Variants in ERBB4 observed in about 807,000 individuals in gnomAD.
ERBB4 encodes the protein erb-b2 receptor tyrosine kinase 4, also known as receptor tyrosine-protein kinase erbB-4.
Under a neutral mutation model 158.0 loss-of-function variants are expected in ERBB4, and 42 were observed. The ratio of observed to expected loss-of-function variants is 0.27; its 90% confidence interval spans 0.21 to 0.34. The LOEUF (loss-of-function observed/expected upper bound fraction) is 0.34, where lower values mean the gene tolerates loss of function less well. ERBB4 is among the 10% of genes least tolerant of loss of function. The probability of loss-of-function intolerance (pLI) is 1.00; values close to 1 mark genes in which losing one functional copy is unlikely to be tolerated. For synonymous variants in ERBB4, 583 were observed against 558.7 expected (o/e 1.04, Z -0.61); for missense variants, 1,333 against 1,624.1 (o/e 0.82, Z 3.08).
At chr2:211,745,488 C>A (rs562338131) in intron 5 of ERBB4, among the ~76,000 whole-genome samples, 1 of 152,048 alleles carries the variant, frequency 6.6e-6, no homozygotes. Flanking sequence ...TCTTCCATGT[C>A]CCAGCCACCA....
intron 18 of ERBB4, among the ~76,000 whole-genome samples, chr2:211,622,922 C>T (rs1435853716): frequency 8.0e-6 from 1 of 125,740 alleles, no homozygotes; most frequent in Non-Finnish European, 1.6e-5. Context: ...GAGATCACAC[C>T]ATTGCACTAC....
At chr2:211,806,176 T>C (rs1324034781) in intron 3 of ERBB4, among the ~76,000 whole-genome samples, 1 of 151,608 alleles carries the variant, frequency 6.6e-6, no homozygotes, top group Non-Finnish European at 1.5e-5. Flanking sequence ...TTCAGAATCT[T>C]AAAAAAAATG....
In ERBB4 at chr2:211,760,981, G is replaced by A. The variant is rs140877185; in HGVS notation, c.557-10277C>T. Among the ~76,000 whole-genome samples the A allele has an allele frequency of 7.4e-4, 113 of 152,118 alleles. 3 individuals are homozygous for A. In the South Asian group the frequency reaches 8.3e-3, roughly 11 times the overall value. Reference sequence around the variant, plus strand: ...AGCACTTTGGGAGGCCGAGGAAGGCGGATCACGAGGTCAGGAGATCCTGGT... The same window carrying A: ...AGCACTTTGGGAGGCCGAGGAAGGCAGATCACGAGGTCAGGAGATCCTGGT... On this transcript the variant is annotated intron_variant, in intron 4 of 27. Transcript: ENST00000342788.
At chr2:212,381,766 T>C (rs896214779) in intron 1 of ERBB4, among the ~76,000 whole-genome samples, 2 of 151,418 alleles carry the variant, frequency 1.3e-5, no homozygotes, top group South Asian at 2.1e-4. Context: ...AAATGCATTA[T>C]ATACCCTCAC....
chr2:211,493,087 T>A (rs1414546864), intron 20 of ERBB4, among the ~76,000 whole-genome samples: 1 of 152,158 alleles, frequency 6.6e-6, no homozygotes, highest in Non-Finnish European at 1.5e-5. Flanking sequence ...GGCTAGATTA[T>A]GGATAATGAA....
chr2:211,420,892 C>G (rs2063500475), intron 24 of ERBB4, among the ~76,000 whole-genome samples: 1 of 151,910 alleles, frequency 6.6e-6, no homozygotes, highest in South Asian at 2.1e-4. Flanking sequence ...GAGGTAAAAT[C>G]AATTTCAGGT....
intron 1 of ERBB4, among the ~76,000 whole-genome samples, chr2:212,138,829 G>A (rs951354364): frequency 6.6e-6 from 1 of 152,084 alleles, no homozygotes; most frequent in African/African-American, 2.4e-5. Context: ...TTTCAATTAA[G>A]TCCCCATTCT....
intron 19 of ERBB4, among the ~76,000 whole-genome samples, chr2:211,582,347 G>C (rs2068129897): frequency 6.6e-6 from 1 of 152,098 alleles, no homozygotes; most frequent in Non-Finnish European, 1.5e-5. Flanking sequence ...GTCCTTCAAA[G>C]TATTATAGCT....
intron 2 of ERBB4, among the ~76,000 whole-genome samples, chr2:212,102,088 T>TATATATATATATATATATA: frequency 3.9e-5 from 1 of 25,496 alleles, no homozygotes; most frequent in Non-Finnish European, 9.3e-5. Flanking sequence ...TGAAAATTTA[T>TATATATATATATATATATA]TTTATATATA....
At chr2:211,959,145 T>C (rs1257864439) in intron 2 of ERBB4, among the ~76,000 whole-genome samples, 1 of 152,056 alleles carries the variant, frequency 6.6e-6, no homozygotes, top group African/African-American at 2.4e-5. Flanking sequence ...ATACATCTAT[T>C]CATCCTTCCA....
intron 2 of ERBB4, among the ~76,000 whole-genome samples, chr2:212,073,030 G>A (rs1559443901): frequency 1.3e-5 from 2 of 151,866 alleles, no homozygotes; most frequent in Admixed American, 6.6e-5. Context: ...CAATTAAGTA[G>A]AAATTGATTA....
At chr2:211,525,296 A>G (rs2066316134) in intron 20 of ERBB4, among the ~76,000 whole-genome samples, 1 of 152,156 alleles carries the variant, frequency 6.6e-6, no homozygotes, top group Non-Finnish European at 1.5e-5. Flanking sequence ...CTTCCACTTC[A>G]GGAAAGGAGA....
intron 27 of ERBB4, 80 bp downstream of exon 27, chr2:211,386,773 G>T (rs537553229): frequency 5.6e-6 from 8 of 1,432,792 alleles, no homozygotes; most frequent in African/African-American, 1.4e-5. Flanking sequence ...CAGCTATCTG[G>T]CAATTTCTAT....
At chr2:211,716,404 C>T (rs1294599568) in intron 7 of ERBB4, among the ~76,000 whole-genome samples, 3 of 139,432 alleles carry the variant, frequency 2.2e-5, no homozygotes, top group Non-Finnish European at 4.5e-5. Flanking sequence ...AGGCCGGGCG[C>T]AGTGGCTCAC....
chr2:211,563,750 T>C (rs1037856713), intron 19 of ERBB4, among the ~76,000 whole-genome samples: 7 of 152,008 alleles, frequency 4.6e-5, no homozygotes, highest in African/African-American at 1.7e-4. Flanking sequence ...TACTTTCAAA[T>C]AGTTTACTCA....
At chr2:211,569,010 G>GAATTAAT (rs2067635260) in intron 19 of ERBB4, among the ~76,000 whole-genome samples, 1 of 152,126 alleles carries the variant, frequency 6.6e-6, no homozygotes, top group South Asian at 2.1e-4. Flanking sequence ...TAGAGAGGCT[G>GAATTAAT]AATTAATATG....
chr2:211,736,047 T>A (rs2074588034), intron 5 of ERBB4, among the ~76,000 whole-genome samples: 1 of 150,780 alleles, frequency 6.6e-6, no homozygotes, highest in Non-Finnish European at 1.5e-5. Flanking sequence ...CCTGTAGTCC[T>A]AGCTGCTTGG....
chr2:211,455,512 A>C (rs1234283841), intron 20 of ERBB4, among the ~76,000 whole-genome samples: 1 of 152,188 alleles, frequency 6.6e-6, no homozygotes. Flanking sequence ...CAAGGGGAAA[A>C]AAGGGAAAAG....
intron 1 of ERBB4, among the ~76,000 whole-genome samples, chr2:212,205,120 C>A (rs981808042): frequency 6.6e-6 from 1 of 152,134 alleles, no homozygotes. Context: ...GCCTGGCCAA[C>A]TTCCAGACAG....
Sources: allele counts gnomAD v4.1 joint callset (sites outside exome capture counted in the v4.1 genomes callset), GRCh38; gene constraint gnomAD v4.1.1; transcripts MANE v1.5; gene names NCBI Gene and HGNC (gene_info 2026-07-23, HGNC 2026-07-21).